PDE4B: variants seen among roughly 807,000 people sequenced by gnomAD.
The protein encoded by PDE4B is phosphodiesterase 4B.
Under a neutral mutation model 82.2 loss-of-function variants are expected in PDE4B, and 20 were observed. The ratio of observed to expected loss-of-function variants is 0.24; its 90% CI spans 0.17 to 0.35. PDE4B has a LOEUF of 0.35. PDE4B is among the 10% of genes least tolerant of loss of function. The probability of loss-of-function intolerance (pLI) is 1.00; values close to 1 mark genes in which losing one functional copy is unlikely to be tolerated. For synonymous variants in PDE4B, 320 were observed against 318.9 expected (o/e 1.00, Z -0.04); for missense variants, 655 against 907.2 (o/e 0.72, Z 3.57).
At position 65,923,568 on chromosome 1, in the gene PDE4B, A is replaced by C. The variant is rs114678704; in HGVS notation, c.281+4733A>C. Among the ~76,000 whole-genome samples the C allele has an allele frequency of 4.6e-3, 699 of 152,130 alleles. 8 individuals are homozygous for C. The highest frequency in any genetic ancestry group is 0.016 in the African/African-American group (669 of 41,500). ...TTTTAATTCCTCCTCATATCTTAGA[A>C]CCTCTGCTGGAATTATTTGCCTTTT... On this transcript the variant is annotated intron_variant, in intron 3 of 16. Transcript: ENST00000341517.
chr1:66,361,125 A>T (rs1490041598), intron 9 of PDE4B, among the ~76,000 whole-genome samples: 3 of 152,170 alleles, frequency 2.0e-5, no homozygotes, highest in Non-Finnish European at 2.9e-5. Flanking sequence ...TGGATTTTTA[A>T]ATTTTTTTTA....
At chr1:65,859,711 C>A (rs1405035378) in intron 1 of PDE4B, among the ~76,000 whole-genome samples, 1 of 152,094 alleles carries the variant, frequency 6.6e-6, no homozygotes, top group Non-Finnish European at 1.5e-5. Flanking sequence ...ATACAATGTA[C>A]AAATACTGTA....
At chr1:66,183,560 G>A (rs1647117409) in intron 3 of PDE4B, among the ~76,000 whole-genome samples, 1 of 152,096 alleles carries the variant, frequency 6.6e-6, no homozygotes, top group African/African-American at 2.4e-5. Flanking sequence ...ATGAAATACA[G>A]TTGAAAAATA....
At chr1:65,890,826 TACACACACATAC>T (rs1486521113) in intron 1 of PDE4B, among the ~76,000 whole-genome samples, 1 of 151,884 alleles carries the variant, frequency 6.6e-6, no homozygotes, top group East Asian at 1.9e-4. Context: ...CACACACATA[TACACACACATAC>T]ACACACAGAC....
intron 3 of PDE4B, among the ~76,000 whole-genome samples, chr1:65,966,612 A>G (rs1195164733): frequency 6.6e-6 from 1 of 152,206 alleles, no homozygotes; most frequent in Non-Finnish European, 1.5e-5. Flanking sequence ...CAAAAAGAAC[A>G]AAGCTGGAGG....
At chr1:65,796,832 G>C (rs1645636831) in intron 1 of PDE4B, among the ~76,000 whole-genome samples, 1 of 151,686 alleles carries the variant, frequency 6.6e-6, no homozygotes, top group Admixed American at 6.6e-5. Flanking sequence ...TGTATTTTTA[G>C]TGGAGAAGCG....
rs182320732 is a variant in PDE4B at position 66,193,782 on chromosome 1, T to C, written c.282-53678T>C. Among the ~76,000 whole-genome samples, 282 of 152,198 alleles carry C rather than the reference T, an allele frequency of 1.9e-3. 1 individual carries two copies. In the Middle Eastern group the frequency reaches 0.02, roughly 11 times the overall value. The stretch of plus-strand genomic sequence containing the variant: ...ACATGGAATGCTTATATGGAACTAT[T>C]AGCAAAGTAAAAGTAGTACGTTAAG... On this transcript the variant is annotated intron_variant, in intron 3 of 16. Transcript: ENST00000341517.
chr1:66,035,597 T>G (rs1654019364), intron 3 of PDE4B, among the ~76,000 whole-genome samples: 1 of 152,210 alleles, frequency 6.6e-6, no homozygotes, highest in Non-Finnish European at 1.5e-5. Context: ...TCTCTGTGTG[T>G]GGCTTATTTC....
At chr1:66,181,987 T>A (rs1368295231) in intron 3 of PDE4B, among the ~76,000 whole-genome samples, 1 of 150,726 alleles carries the variant, frequency 6.6e-6, no homozygotes, top group Non-Finnish European at 1.5e-5. Flanking sequence ...TAAATGCTAT[T>A]TTTTTTGATT....
intron 1 of PDE4B, among the ~76,000 whole-genome samples, chr1:65,809,482 T>C (rs558840662): frequency 2.2e-4 from 33 of 152,030 alleles, no homozygotes; most frequent in Non-Finnish European, 4.3e-4. Flanking sequence ...CATTAAGCCA[T>C]TTAGACTAGT....
intron 3 of PDE4B, among the ~76,000 whole-genome samples, chr1:66,045,838 A>G (rs561757306): frequency 3.4e-4 from 52 of 151,940 alleles, no homozygotes; most frequent in African/African-American, 1.1e-3. Context: ...AGATGTGCAA[A>G]TAAATGCTGT....
intron 2 of PDE4B, among the ~76,000 whole-genome samples, 195 bp from the exon 3 acceptor site, chr1:65,918,402 T>G (rs1647186180): frequency 6.6e-6 from 1 of 152,224 alleles, no homozygotes; most frequent in African/African-American, 2.4e-5. Context: ...CTGATAAGTT[T>G]ATTCTAAAAG....
intron 3 of PDE4B, among the ~76,000 whole-genome samples, chr1:66,177,719 AT>A (rs1646961673): frequency 2.0e-5 from 3 of 152,134 alleles, no homozygotes; most frequent in African/African-American, 7.2e-5. Context: ...ACTCTGTGAC[AT>A]TTTAGGAACC....
intron 1 of PDE4B, among the ~76,000 whole-genome samples, chr1:65,821,122 G>T (rs1645947044): frequency 6.6e-6 from 1 of 152,178 alleles, no homozygotes; most frequent in Non-Finnish European, 1.5e-5. Context: ...ATGAGACAGG[G>T]CACTCTGTCT....
At chr1:65,990,886 G>A (rs1433331845) in intron 3 of PDE4B, among the ~76,000 whole-genome samples, 1 of 152,086 alleles carries the variant, frequency 6.6e-6, no homozygotes, top group East Asian at 1.9e-4. Context: ...ATATATTTTA[G>A]TTAATTATTG....
At chr1:66,267,352 C>T (rs907735602) in intron 7 of PDE4B, 1 of 152,174 alleles carries the variant, frequency 6.6e-6, no homozygotes, top group Non-Finnish European at 1.5e-5. Context: ...GTGTTACATA[C>T]TTGGAGATCG....
rs78364937 is a variant in PDE4B at position 66,335,456 on chromosome 1, T to A, written c.747+2836T>A. On this transcript the variant is annotated intron_variant, in intron 8 of 16. Transcript: ENST00000341517. The stretch of plus-strand genomic sequence containing the variant: ...TCATCTTTACTTCATCTAGGTAGGG[T>A]TGTGCTTTTTTAGTTTGTTTGTTTT... Among the ~76,000 whole-genome samples the A allele has an allele frequency of 2.2e-4, 33 of 152,312 alleles. No homozygotes were observed. In the East Asian group the frequency reaches 4.0e-3, roughly 19 times the overall value.
intron 3 of PDE4B, among the ~76,000 whole-genome samples, chr1:66,081,357 G>T (rs1017323293): frequency 9.9e-5 from 15 of 152,072 alleles, no homozygotes; most frequent in Admixed American, 2.6e-4. Context: ...CTTTGTCTGA[G>T]AATCTTACAT....
At chr1:66,322,515 C>T (rs1330054417) in intron 7 of PDE4B, among the ~76,000 whole-genome samples, 1 of 152,112 alleles carries the variant, frequency 6.6e-6, no homozygotes, top group Non-Finnish European at 1.5e-5. Context: ...TATGAACAGA[C>T]ATTTCTCAAA....
Sources: allele counts gnomAD v4.1 joint callset (sites outside exome capture counted in the v4.1 genomes callset), GRCh38; gene constraint gnomAD v4.1.1; transcripts MANE v1.5; gene names NCBI Gene and HGNC (gene_info 2026-07-23, HGNC 2026-07-21).